Variants in THSD7B observed in about 807,000 individuals in gnomAD.
THSD7B encodes thrombospondin type 1 domain containing 7B.
In THSD7B, 138 loss-of-function variants were observed where a neutral mutation model predicts 213.6. That is an observed-to-expected ratio of 0.65 (90% CI 0.56 to 0.74). THSD7B has a LOEUF of 0.74. THSD7B is among the 30% of genes least tolerant of loss of function. The pLI, the probability that THSD7B is intolerant of heterozygous loss-of-function variation, is 0.00. For synonymous variants in THSD7B, 742 were observed against 687.0 expected (o/e 1.08, Z -1.25); for missense variants, 1,931 against 1,991.5 (o/e 0.97, Z 0.58).
intron 12 of THSD7B, among the ~76,000 whole-genome samples, chr2:137,306,825 G>GT (rs777074139): frequency 2.6e-5 from 4 of 151,898 alleles, no homozygotes; most frequent in Non-Finnish European, 5.9e-5. Flanking sequence ...TTTGTAGCAT[G>GT]TTTTTAAAAT....
chr2:137,019,743 G>A (rs969044281), intron 2 of THSD7B, among the ~76,000 whole-genome samples: 2 of 151,986 alleles, frequency 1.3e-5, no homozygotes, highest in African/African-American at 4.8e-5. Flanking sequence ...ATTTATTATA[G>A]TCTCCTTAGA....
chr2:137,354,203 G>A (rs1685079088), intron 12 of THSD7B, among the ~76,000 whole-genome samples: 1 of 151,964 alleles, frequency 6.6e-6, no homozygotes, highest in African/African-American at 2.4e-5. Context: ...AAGGGCTACA[G>A]TAGTATCTTA....
chr2:137,335,771 A>G (rs1382964520), intron 12 of THSD7B, among the ~76,000 whole-genome samples: 1 of 152,220 alleles, frequency 6.6e-6, no homozygotes, highest in East Asian at 1.9e-4. Context: ...TTACCTGCAC[A>G]GAGAATGGTG....
chr2:137,512,382 CTTTTTTTTTTTT>C (rs70978233), intron 15 of THSD7B, among the ~76,000 whole-genome samples: 1 of 81,376 alleles, frequency 1.2e-5, no homozygotes, highest in Non-Finnish European at 2.1e-5. Flanking sequence ...CATTTATTTC[CTTTTTTTTTTTT>C]TTTTTTTTTT....
chr2:137,290,217 T>C (rs1683293661), intron 12 of THSD7B, among the ~76,000 whole-genome samples: 1 of 151,580 alleles, frequency 6.6e-6, no homozygotes, highest in Non-Finnish European at 1.5e-5. Context: ...GCCTCCTCAG[T>C]AGCTGGGACT....
intron 9 of THSD7B, among the ~76,000 whole-genome samples, chr2:137,236,288 C>T (rs986981596): frequency 6.6e-6 from 1 of 152,182 alleles, no homozygotes; most frequent in African/African-American, 2.4e-5. Flanking sequence ...TCTCTAAACC[C>T]ACTGCACTGA....
chr2:137,268,599 A>G (rs558587632), intron 10 of THSD7B, among the ~76,000 whole-genome samples: 3 of 152,110 alleles, frequency 2.0e-5, no homozygotes, highest in Admixed American at 6.6e-5. Context: ...AGCAGTGAGG[A>G]CGACCAGAGG....
At chr2:137,571,343 T>C (rs114669002) in intron 16 of THSD7B, among the ~76,000 whole-genome samples, 3,578 of 152,272 alleles carry the variant, frequency 0.023, 79 homozygotes, top group East Asian at 0.077. Flanking sequence ...TTGCTGAACA[T>C]TTGGACTGTT....
At chr2:136,910,414 A>G (rs1349476328) in intron 2 of THSD7B, among the ~76,000 whole-genome samples, 1 of 152,192 alleles carries the variant, frequency 6.6e-6, no homozygotes, top group African/African-American at 2.4e-5. Context: ...GTGAGATTTA[A>G]TGATACCAAT....
At chr2:137,623,570 T>C (rs940980766) in intron 20 of THSD7B, among the ~76,000 whole-genome samples, 132 of 152,302 alleles carry the variant, frequency 8.7e-4, no homozygotes, top group Non-Finnish European at 1.7e-3. Context: ...GATTGTATAT[T>C]GAGAAAACCC....
chr2:137,160,444 A>C, intron 6 of THSD7B, 76 bp downstream of exon 6: 1 of 1,525,382 alleles, frequency 6.6e-7, no homozygotes, highest in Non-Finnish European at 8.9e-7. Context: ...GTCACTGATT[A>C]AGCCTGCTTA....
chr2:136,786,707 G>A (rs2104910635), intron 1 of THSD7B, among the ~76,000 whole-genome samples: 1 of 152,244 alleles, frequency 6.6e-6, no homozygotes, highest in African/African-American at 2.4e-5. Context: ...GGATTAAAAC[G>A]ATGACACTGG....
intron 12 of THSD7B, among the ~76,000 whole-genome samples, chr2:137,292,095 AGTGTTGGCTTC>A (rs1189369198): frequency 6.6e-6 from 1 of 152,164 alleles, no homozygotes; most frequent in South Asian, 2.1e-4. Flanking sequence ...CCAGAAGGGA[AGTGTTGGCTTC>A]ACTTCTCATG....
intron 13 of THSD7B, among the ~76,000 whole-genome samples, chr2:137,408,385 A>G (rs1686576515): frequency 6.6e-6 from 1 of 151,064 alleles, no homozygotes; most frequent in Admixed American, 6.6e-5. Context: ...TATTCAATGA[A>G]TATTTTTTTG....
chr2:137,227,762 C>G (rs1387377687), intron 7 of THSD7B, among the ~76,000 whole-genome samples: 1 of 152,080 alleles, frequency 6.6e-6, no homozygotes, highest in Non-Finnish European at 1.5e-5. Context: ...GTAAACCAAT[C>G]TATGAAACTG....
intron 15 of THSD7B, among the ~76,000 whole-genome samples, chr2:137,534,607 T>C (rs1213245052): frequency 1.3e-5 from 2 of 151,778 alleles, no homozygotes; most frequent in Non-Finnish European, 2.9e-5. Context: ...ATGCTTAACC[T>C]ACAGGAAAGT....
intron 3 of THSD7B, among the ~76,000 whole-genome samples, chr2:137,073,919 T>C (rs1687557911): frequency 6.6e-6 from 1 of 152,216 alleles, no homozygotes. Context: ...TAATCCTGAG[T>C]TCTAGTTTGA....
chr2:137,518,399 A>G (rs1006779110), intron 15 of THSD7B, among the ~76,000 whole-genome samples: 2 of 152,252 alleles, frequency 1.3e-5, no homozygotes, highest in Middle Eastern at 6.8e-3. Flanking sequence ...CTTTGCATGG[A>G]AGGAGAAATG....
chr2:136,942,778 C>G (rs1224627089), intron 2 of THSD7B, among the ~76,000 whole-genome samples: 5 of 152,170 alleles, frequency 3.3e-5, no homozygotes, highest in African/African-American at 1.2e-4. Context: ...TCTAAATGTA[C>G]AATCATGTCA....
Sources: gnomAD v4.1 joint callset for allele counts (sites outside exome capture counted in the v4.1 genomes callset) on GRCh38, gnomAD v4.1.1 for gene constraint, MANE v1.5 for transcripts, NCBI Gene and HGNC (gene_info 2026-07-23, HGNC 2026-07-21) for gene names.